TENT4A: variants seen among roughly 807,000 people sequenced by gnomAD.
The protein encoded by TENT4A is terminal nucleotidyltransferase 4A.
TENT4A carries 7 observed loss-of-function variants against 72.8 expected under a neutral mutation model. That is an observed-to-expected ratio of 0.10 (90% CI 0.05 to 0.18). TENT4A has a LOEUF of 0.18. Among genes scored for constraint, TENT4A ranks in the 10% least tolerant of loss-of-function variants. The probability of loss-of-function intolerance (pLI) is 1.00; values close to 1 mark genes in which losing one functional copy is unlikely to be tolerated. For synonymous variants in TENT4A, 456 were observed against 434.3 expected, an observed-to-expected ratio of 1.05 and a Z score of -0.62; for missense variants, 831 against 1,017.7, an observed-to-expected ratio of 0.82 and a Z score of 2.50.
At position 6,755,052 on chromosome 5, in the gene TENT4A, C is replaced by T. The variant is rs375320330; in HGVS notation, c.*107C>T. The T allele has an allele frequency of 3.3e-5, 31 of 944,050 alleles. No individual in the cohort carries two copies. Among genetic ancestry groups the T allele is most frequent in the African/African-American group, 2.7e-4 (16 of 60,316 alleles). 58.5% of individuals were successfully genotyped at this position (944,050 alleles called of 1,614,324 possible). A position where few individuals can be genotyped will look rare whatever the true frequency, so the allele number is the denominator to read the frequency against. On this transcript the variant is annotated 3_prime_UTR_variant, in exon 13 of 13. Transcript: ENST00000230859. ...GCACCCCGCACGTCAGCCGGGCTCGCGGCACGCCCGCCGCTGATCACTCTG... is the reference window on the plus strand; with the variant it reads ...GCACCCCGCACGTCAGCCGGGCTCGTGGCACGCCCGCCGCTGATCACTCTG...
At chr5:6,737,770 T>G in intron 2 of TENT4A, 137 bp downstream of exon 2, 5 of 948,566 alleles carry the variant, frequency 5.3e-6, no homozygotes, top group Non-Finnish European at 6.1e-6. Flanking sequence ...AAGTGTGCTT[T>G]GAGAAGGCCT....
rs1403098903 is a variant in TENT4A, at chr5:6,755,090, TGTGGTGGTCGCGTCCATCTTCAAGAACA to T, written c.*147_*174del. On this transcript the variant is annotated 3_prime_UTR_variant, in exon 13 of 13. Transcript: ENST00000230859. ...GCTGATCACTCTGCATGTTTCTTCG[TGTGGTGGTCGCGTCCATCTTCAAGAACA>T]GCTCGTTGTGCTCATCTGTGAAGCC... 1.5e-5 allele frequency: 9 copies of T among 609,690 alleles called. No homozygotes were observed. Among genetic ancestry groups the T allele is most frequent in the African/African-American group, 3.7e-5 (2 of 54,042 alleles). The allele number at this position is 609,690 out of a possible 1,614,324, so 37.8% of individuals were successfully genotyped here.
chr5:6,732,704 G>T (rs756207989), intron 1 of TENT4A, among the ~76,000 whole-genome samples: 1 of 152,098 alleles, frequency 6.6e-6, no homozygotes, highest in Non-Finnish European at 1.5e-5. Context: ...TTCTGTTTTC[G>T]AGTAGTTTCC....
intron 12 of TENT4A, among the ~76,000 whole-genome samples, chr5:6,753,894 G>A (rs557000750): frequency 2.0e-5 from 3 of 152,278 alleles, no homozygotes; most frequent in Non-Finnish European, 2.9e-5. Context: ...TTCGCACACC[G>A]GCCTCTTCTT....
intron 12 of TENT4A, among the ~76,000 whole-genome samples, chr5:6,753,403 T>TG (rs1742519548): frequency 6.6e-6 from 1 of 152,254 alleles, no homozygotes; most frequent in Non-Finnish European, 1.5e-5. Flanking sequence ...GAGCAGATCT[T>TG]GCCATGATGT....
intron 12 of TENT4A, 66 bp downstream of exon 12, chr5:6,753,103 G>A: frequency 7.0e-7 from 1 of 1,431,166 alleles, no homozygotes; most frequent in Middle Eastern, 1.9e-4. Context: ...GGTGCTAAAT[G>A]TTTTCTCCTC....
At chr5:6,733,594 T>A (rs1020472982) in intron 1 of TENT4A, among the ~76,000 whole-genome samples, 1 of 152,258 alleles carries the variant, frequency 6.6e-6, no homozygotes, top group Non-Finnish European at 1.5e-5. Flanking sequence ...TATGCAGACG[T>A]CCTGCCAGCT....
At chr5:6,753,129 A>G in intron 12 of TENT4A, 92 bp downstream of exon 12, 1 of 1,275,340 alleles carries the variant, frequency 7.8e-7, no homozygotes, top group African/African-American at 1.5e-5. Flanking sequence ...AGAATTCCAG[A>G]GAGATCATTT....
intron 1 of TENT4A, among the ~76,000 whole-genome samples, chr5:6,726,234 G>GT (rs1328183578): frequency 1.3e-5 from 2 of 152,324 alleles, no homozygotes; most frequent in South Asian, 4.1e-4. Flanking sequence ...GCGTCCCTGT[G>GT]TTGTACTTGG....
At chr5:6,739,661 T>C in intron 3 of TENT4A, 71 bp from the exon 4 acceptor site, 2 of 1,581,866 alleles carry the variant, frequency 1.3e-6, no homozygotes, top group Non-Finnish European at 1.7e-6. Flanking sequence ...GCCTTGGTGC[T>C]TATCCTCCCC....
intron 1 of TENT4A, among the ~76,000 whole-genome samples, chr5:6,727,740 T>A (rs1039411891): frequency 1.8e-4 from 28 of 152,198 alleles, no homozygotes; most frequent in African/African-American, 6.5e-4. Flanking sequence ...ATAGCAACTT[T>A]TTGGTTTATT....
rs566484737 is a variant in TENT4A, at chr5:6,725,248, G to A, written c.716+10549G>A. On this transcript the variant is annotated intron_variant, in intron 1 of 12. Transcript: ENST00000230859. ...AGGCAGGAGAATCTCTTGAATCCAG[G>A]AGGCGGAGGTTGCAGTGAGCCGAGA... Among the ~76,000 whole-genome samples, 11 of 151,630 alleles carry A rather than the reference G, an allele frequency of 7.3e-5. No individual in the cohort carries two copies. In the East Asian group the frequency reaches 1.6e-3, roughly 21 times the overall value.
At chr5:6,750,713 A>G (rs1742356397) in intron 10 of TENT4A, 2 of 560,128 alleles carry the variant, frequency 3.6e-6, no homozygotes, top group East Asian at 6.0e-5. Flanking sequence ...TGTGCGACTC[A>G]TGCGGCTGTC....
chr5:6,733,799 T>C (rs1400046244), intron 1 of TENT4A, among the ~76,000 whole-genome samples: 1 of 152,188 alleles, frequency 6.6e-6, no homozygotes, highest in Non-Finnish European at 1.5e-5. Flanking sequence ...GCTGGCGGCG[T>C]GGCCTGTGGT....
Position 6,756,010 on chromosome 5 carries a change from T to G in TENT4A, c.*1065T>G, listed in dbSNP as rs1742675712. The G allele has an allele frequency of 6.6e-6, 1 of 152,252 alleles. No individual in the cohort carries two copies. Among genetic ancestry groups the G allele is most frequent in the South Asian group, 2.1e-4 (1 of 4,826 alleles). 9.4% of individuals were successfully genotyped at this position (152,252 alleles called of 1,614,324 possible). A position where few individuals can be genotyped will look rare whatever the true frequency, so the allele number is the denominator to read the frequency against. ...GTTTTAGGAATGTGGAGAAAGGAAT[T>G]CTGTTGATTCCGTTGAGGAATCTGT... is the stretch of plus-strand genomic sequence containing the variant. On this transcript the variant is annotated 3_prime_UTR_variant, in exon 13 of 13. Coordinates refer to ENST00000230859, the MANE Select transcript of TENT4A (RefSeq NM_006999.6).
intron 1 of TENT4A, among the ~76,000 whole-genome samples, chr5:6,731,924 T>C (rs1246018537): frequency 1.3e-5 from 2 of 152,252 alleles, no homozygotes; most frequent in African/African-American, 4.8e-5. Context: ...GTGTGCTTCT[T>C]CCAGCCCCAC....
intron 1 of TENT4A, among the ~76,000 whole-genome samples, chr5:6,732,925 ACTT>A (rs1167062238): frequency 1.3e-5 from 2 of 152,124 alleles, no homozygotes; most frequent in Non-Finnish European, 2.9e-5. Context: ...TATAGATCCT[ACTT>A]CTTTTCTACA....
At chr5:6,754,358 G>T (rs1482936617) in intron 12 of TENT4A, among the ~76,000 whole-genome samples, 1 of 152,078 alleles carries the variant, frequency 6.6e-6, no homozygotes, top group Non-Finnish European at 1.5e-5. Flanking sequence ...TAGTAGAGAC[G>T]GGGTTTCACC....
intron 1 of TENT4A, among the ~76,000 whole-genome samples, chr5:6,723,388 C>T (rs1740755887): frequency 1.0e-5 from 1 of 95,602 alleles, no homozygotes; most frequent in African/African-American, 3.6e-5. Flanking sequence ...GTCACGAGCA[C>T]CATTGTGGCT....
Sources: gnomAD v4.1 joint callset for allele counts (sites outside exome capture counted in the v4.1 genomes callset) on GRCh38, gnomAD v4.1.1 for gene constraint, MANE v1.5 for transcripts, NCBI Gene and HGNC (gene_info 2026-07-23, HGNC 2026-07-21) for gene names.